Variants in MAPK1IP1L observed in about 807,000 individuals in gnomAD.
MAPK1IP1L encodes MAPK-interacting and spindle-stabilizing protein-like.
A neutral mutation model predicts 18.1 loss-of-function variants in MAPK1IP1L; 10 were observed. The ratio of observed to expected loss-of-function variants is 0.55; its 90% CI spans 0.34 to 0.94. MAPK1IP1L has a LOEUF of 0.94. MAPK1IP1L is among the 40% of genes least tolerant of loss of function. The pLI is 0.02. For synonymous variants in MAPK1IP1L, 115 were observed against 117.3 expected (o/e 0.98, Z 0.13); for missense variants, 260 against 318.2 (o/e 0.82, Z 1.39).
At chr14:55,064,406 C>T (rs2042846057) in intron 3 of MAPK1IP1L, among the ~76,000 whole-genome samples, 1 of 152,024 alleles carries the variant, frequency 6.6e-6, no homozygotes, top group Non-Finnish European at 1.5e-5. Flanking sequence ...TTTAAAGTAC[C>T]CCTAAAACTT....
rs892241166 is a variant in MAPK1IP1L, at chr14:55,068,943, T to C, written c.*4316T>C. On this transcript the variant is annotated 3_prime_UTR_variant, in exon 4 of 4. Coordinates refer to ENST00000395468, the MANE Select transcript of MAPK1IP1L (RefSeq NM_144578.4). Reference sequence around the variant, plus strand: ...TCATTATTAGTTTTACCTAAACGTGTTAGGATCACTACTGGTGGAAATTGT... The same window carrying C: ...TCATTATTAGTTTTACCTAAACGTGCTAGGATCACTACTGGTGGAAATTGT... 1 of 152,196 alleles carries C rather than the reference T, an allele frequency of 6.6e-6. No individual in the cohort carries two copies. The highest frequency in any genetic ancestry group is 1.5e-5 in the Non-Finnish European group (1 of 68,028). 9.4% of individuals were successfully genotyped at this position (152,196 alleles called of 1,614,324 possible). A position where few individuals can be genotyped will look rare whatever the true frequency, so the allele number is the denominator to read the frequency against.
At chr14:55,053,361 T>C (rs2042745618) in intron 1 of MAPK1IP1L, among the ~76,000 whole-genome samples, 1 of 152,244 alleles carries the variant, frequency 6.6e-6, no homozygotes, top group Non-Finnish European at 1.5e-5. Flanking sequence ...ACGTTTACTT[T>C]TTTACCTATA....
chr14:55,053,167 G>A (rs999399968), intron 1 of MAPK1IP1L, among the ~76,000 whole-genome samples: 3 of 152,198 alleles, frequency 2.0e-5, no homozygotes, highest in Admixed American at 6.5e-5. Context: ...GCTAATATTT[G>A]TTGAGGTTTT....
At chr14:55,053,716 A>G (rs2042748008) in intron 1 of MAPK1IP1L, among the ~76,000 whole-genome samples, 1 of 152,146 alleles carries the variant, frequency 6.6e-6, no homozygotes, top group Non-Finnish European at 1.5e-5. Flanking sequence ...TTTTTACACT[A>G]ACTGCTCTTC....
rs370412530 is a variant in MAPK1IP1L at position 55,052,036 on chromosome 14, G to A, written c.-5+233G>A. ...ATCGCCCCCCAGGGAGAAGGTGTCG[G>A]AGGCCGCTGACGTCGCGCCCGACGG... On this transcript the variant is annotated intron_variant, in intron 1 of 3. Transcript: ENST00000395468. Among the ~76,000 whole-genome samples the A allele has an allele frequency of 3.2e-4, 48 of 152,202 alleles. No individual in the cohort carries two copies. The South Asian group carries it at 1.0e-2, about 32-fold the overall frequency.
At chr14:55,057,711 G>A (rs1161018451) in intron 1 of MAPK1IP1L, among the ~76,000 whole-genome samples, 2 of 151,202 alleles carry the variant, frequency 1.3e-5, no homozygotes, top group Non-Finnish European at 2.9e-5. Flanking sequence ...AACCAAGATC[G>A]CGCCACTGCA....
At chr14:55,052,486 A>G (rs772617205) in intron 1 of MAPK1IP1L, among the ~76,000 whole-genome samples, 6 of 152,230 alleles carry the variant, frequency 3.9e-5, no homozygotes, top group Admixed American at 2.0e-4. Flanking sequence ...GCGATAGCGT[A>G]TGCATAGCTG....
rs1021079636 is a variant in MAPK1IP1L, at chr14:55,051,653, T to G, written c.-155T>G. The G allele has an allele frequency of 2.0e-6, 1 of 512,150 alleles. No individual in the cohort carries two copies. The highest frequency in any genetic ancestry group is 3.9e-6 in the Non-Finnish European group (1 of 257,722). 31.7% of individuals were successfully genotyped at this position (512,150 alleles called of 1,614,324 possible). On this transcript the variant is annotated 5_prime_UTR_variant, in exon 1 of 4. Coordinates refer to ENST00000395468, the MANE Select transcript of MAPK1IP1L (RefSeq NM_144578.4). ...CGGAGGCGGTGCGCTCGGCGCTTCC[T>G]GTTCCGGCGCCAGGAGGAGCCGCGC...
Position 55,067,056 on chromosome 14 carries a change from C to A in MAPK1IP1L, c.*2429C>A. ...GGGACTACAGGTGCCCGCCACCATG[C>A]CCGGCTAATTTTTTTTTTTTTTTTT... On this transcript the variant is annotated 3_prime_UTR_variant, in exon 4 of 4. Coordinates refer to ENST00000395468, the MANE Select transcript of MAPK1IP1L (RefSeq NM_144578.4). The A allele has an allele frequency of 6.7e-6, 1 of 149,228 alleles. No homozygotes were observed. The highest frequency in any genetic ancestry group is 2.1e-4 in the South Asian group (1 of 4,658). The allele number at this position is 149,228 out of a possible 1,614,324, so 9.2% of individuals were successfully genotyped here. A position where few individuals can be genotyped will look rare whatever the true frequency, so the allele number is the denominator to read the frequency against.
intron 1 of MAPK1IP1L, among the ~76,000 whole-genome samples, chr14:55,053,767 T>A (rs1308971531): frequency 6.6e-6 from 1 of 152,216 alleles, no homozygotes; most frequent in Non-Finnish European, 1.5e-5. Flanking sequence ...CTCCCGGCTC[T>A]TTCCTTATGG....
chr14:55,059,584 A>G (rs770874842), intron 1 of MAPK1IP1L, among the ~76,000 whole-genome samples: 2 of 152,236 alleles, frequency 1.3e-5, no homozygotes, highest in African/African-American at 4.8e-5. Context: ...CAAAAAGAAA[A>G]GAATAAAGTC....
Position 55,062,639 on chromosome 14 carries a change from C to G in MAPK1IP1L, c.40C>G (p.His14Asp). 6.2e-7 allele frequency: 1 copy of G among 1,613,226 alleles called. No homozygotes were observed. The highest frequency in any genetic ancestry group is 1.7e-4 in the Middle Eastern group (1 of 6,050). Residue 14 changes from histidine (H) to aspartate (D), a missense_variant, in exon 3 of 4, where the codon CAC (histidine) becomes GAC (aspartate). His to Asp is a moderately conservative substitution (Grantham distance 81, BLOSUM62 -1). Transcript: ENST00000395468. ...CCAGTTGGCAGATGCACTACCTGAA[C>G]ACTCCCCTGCCAAAACCTCTGCTGT... ...EFSLADALPE[H>D]SPAKTSAVSN...
rs61975402 is a variant in MAPK1IP1L, at chr14:55,061,039, A to G, written c.-4-641A>G. On this transcript the variant is annotated intron_variant, in intron 1 of 3. Coordinates refer to ENST00000395468, the MANE Select transcript of MAPK1IP1L (RefSeq NM_144578.4). ...ATGGCACACACCTGTAGTACCGGCT[A>G]TTAGGGAGACTGAGGCAAGAAGATG... 4.0e-3 allele frequency among the ~76,000 whole-genome samples: 615 copies of G among 152,242 alleles called. 4 individuals carry two copies. The highest frequency in any genetic ancestry group is 0.01 in the Admixed American group (160 of 15,290).
At chr14:55,058,439 C>T (rs2042788427) in intron 1 of MAPK1IP1L, among the ~76,000 whole-genome samples, 1 of 152,006 alleles carries the variant, frequency 6.6e-6, no homozygotes. Context: ...AACAGAAATC[C>T]CTTAAAAGAA....
At chr14:55,054,300 C>T (rs2042753981) in intron 1 of MAPK1IP1L, among the ~76,000 whole-genome samples, 1 of 151,122 alleles carries the variant, frequency 6.6e-6, no homozygotes, top group South Asian at 2.1e-4. Context: ...CCTTCCACCA[C>T]GCCCAGCTAA....
At chr14:55,056,277 A>C (rs913054192) in intron 1 of MAPK1IP1L, among the ~76,000 whole-genome samples, 1 of 152,224 alleles carries the variant, frequency 6.6e-6, no homozygotes, top group African/African-American at 2.4e-5. Flanking sequence ...GTAACTGTAT[A>C]ATTCTGAAAA....
At chr14:55,052,028 A>T (rs1301501191) in intron 1 of MAPK1IP1L, among the ~76,000 whole-genome samples, 2 of 151,808 alleles carry the variant, frequency 1.3e-5, no homozygotes, top group Admixed American at 6.5e-5. Flanking sequence ...CCCAGGGAGA[A>T]GGTGTCGGAG....
rs747219243 is a variant in MAPK1IP1L at position 55,051,818 on chromosome 14, G to T, written c.-5+15G>T. 2 of 484,762 alleles carry T rather than the reference G, an allele frequency of 4.1e-6. No homozygotes were observed. The highest frequency in any genetic ancestry group is 8.4e-6 in the Non-Finnish European group (2 of 238,884). 30.0% of individuals were successfully genotyped at this position (484,762 alleles called of 1,614,324 possible). Reference sequence around the variant, plus strand: ...GATATTGCCGGGTGAGGCTGCTTCGGTACTAGTGGGAGTCGTGAAGGGGAA... The same window carrying T: ...GATATTGCCGGGTGAGGCTGCTTCGTTACTAGTGGGAGTCGTGAAGGGGAA... On this transcript the variant is annotated intron_variant, in intron 1 of 3. Coordinates refer to ENST00000395468, the MANE Select transcript of MAPK1IP1L (RefSeq NM_144578.4).
At chr14:55,057,922 A>G (rs2042784430) in intron 1 of MAPK1IP1L, among the ~76,000 whole-genome samples, 1 of 152,078 alleles carries the variant, frequency 6.6e-6, no homozygotes, top group Non-Finnish European at 1.5e-5. Context: ...GTGACAGAGC[A>G]AGACCCTGTC....
Sources: gnomAD v4.1 joint callset for allele counts (sites outside exome capture counted in the v4.1 genomes callset) on GRCh38, gnomAD v4.1.1 for gene constraint, MANE v1.5 for transcripts, NCBI Gene and HGNC (gene_info 2026-07-23, HGNC 2026-07-21) for gene names.